PPP1R2: variants seen among roughly 807,000 people sequenced by gnomAD.
The protein encoded by PPP1R2 is protein phosphatase 1 regulatory inhibitor subunit 2.
In PPP1R2, 16 loss-of-function variants were observed where a neutral mutation model predicts 29.9. The ratio of observed to expected loss-of-function variants is 0.53; its 90% CI spans 0.36 to 0.81. The LOEUF is 0.81. PPP1R2 is among the 30% of genes least tolerant of loss of function. The pLI is 0.00. For missense variants in PPP1R2, 197 were observed against 252.7 expected (o/e 0.78, Z 1.49); for synonymous variants, 76 against 91.5 (o/e 0.83, Z 0.96).
chr3:195,520,134 C>T (rs1187798047), intron 4 of PPP1R2, among the ~76,000 whole-genome samples: 1 of 152,042 alleles, frequency 6.6e-6, no homozygotes, highest in Non-Finnish European at 1.5e-5. Context: ...CTCAGTCTCC[C>T]GAGTAGTTGG....
chr3:195,527,677 G>A (rs1719022967), intron 2 of PPP1R2: 1 of 158,678 alleles, frequency 6.3e-6, no homozygotes, highest in African/African-American at 2.4e-5. Flanking sequence ...AGTACACTCT[G>A]ATTTTGGATT....
chr3:195,535,027 A>G (rs1159864700), intron 1 of PPP1R2, among the ~76,000 whole-genome samples: 3 of 152,206 alleles, frequency 2.0e-5, no homozygotes, highest in Non-Finnish European at 4.4e-5. Flanking sequence ...TTTAAGATTC[A>G]GCACACATGG....
intron 2 of PPP1R2, among the ~76,000 whole-genome samples, chr3:195,527,177 G>A (rs112308222): frequency 1.4e-4 from 21 of 152,172 alleles, no homozygotes; most frequent in East Asian, 5.8e-4. Context: ...GGGGAAGGGC[G>A]TGGTGGCTCA....
chr3:195,518,766 T>C (rs1455865426), intron 5 of PPP1R2, among the ~76,000 whole-genome samples: 1 of 152,208 alleles, frequency 6.6e-6, no homozygotes, highest in Non-Finnish European at 1.5e-5. Context: ...CAAACATCCT[T>C]GCCTAAAGGC....
At chr3:195,527,953 T>C in intron 2 of PPP1R2, 1 of 280,430 alleles carries the variant, frequency 3.6e-6, no homozygotes, top group Non-Finnish European at 7.1e-6. Context: ...AGCATGCGTA[T>C]TTTTTTTTAA....
At position 195,524,803 on chromosome 3, in the gene PPP1R2, G is replaced by C. The variant is rs192492040; in HGVS notation, c.308+16C>G. 1 of 1,612,940 alleles carries C rather than the reference G, an allele frequency of 6.2e-7. No individual in the cohort carries two copies. Among genetic ancestry groups the C allele is most frequent in the African/African-American group, 1.3e-5 (1 of 74,884 alleles). The stretch of plus-strand genomic sequence containing the variant: ...AACAGCCTAAGTGAAAATGTGCTCC[G>C]GTCATTAGTACTTACTTCCTGGCTA... On this transcript the variant is annotated intron_variant, in intron 3 of 5. Coordinates refer to ENST00000618156, the MANE Select transcript of PPP1R2 (RefSeq NM_006241.8).
At chr3:195,538,046 T>C (rs1719459866) in intron 1 of PPP1R2, among the ~76,000 whole-genome samples, 1 of 152,206 alleles carries the variant, frequency 6.6e-6, no homozygotes, top group Non-Finnish European at 1.5e-5. Flanking sequence ...CATCATGAAC[T>C]GTATGACCTC....
At position 195,524,857 on chromosome 3, in the gene PPP1R2, C is replaced by T. The variant is rs769607387; in HGVS notation, c.270G>A (p.Glu90=). 1.7e-5 allele frequency: 27 copies of T among 1,613,954 alleles called. No individual in the cohort carries two copies. The South Asian group carries it at 3.0e-4, about 18-fold the overall frequency. ...TGTCTGGCGCCATGGCTTCAGTGGC[C>T]TCGGTGTCACTACAGGCATCTTCAT... ...GDDEDACSDT[E]ATEAMAPDIL... is the part of the protein sequence containing the mutation. Residue 90 remains glutamate (E), a synonymous_variant, in exon 3 of 6, where the codon GAG becomes GAA. Transcript: ENST00000618156.
intron 1 of PPP1R2, among the ~76,000 whole-genome samples, chr3:195,533,331 T>A (rs1228907953): frequency 6.9e-6 from 1 of 144,172 alleles, no homozygotes; most frequent in East Asian, 2.0e-4. Context: ...GGCAACAGAG[T>A]AAGACTCTGC....
At position 195,523,786 on chromosome 3, in the gene PPP1R2, T is replaced by C; in HGVS notation, c.309A>G (p.Lys103=). Residue 103 remains lysine (K), a splice_region_variant and synonymous_variant, in exon 4 of 6, where the codon AAA becomes AAG. Transcript: ENST00000618156. ...EAMAPDILAR[K]LAAAEGLEPK... ...GCTCCAAGCCTTCAGCTGCAGCTAA[T>C]CTATGCAACAATCATGTACAAAGAA... 6.2e-7 allele frequency: 1 copy of C among 1,612,896 alleles called. No homozygotes were observed. Among genetic ancestry groups the C allele is most frequent in the Non-Finnish European group, 8.5e-7 (1 of 1,178,896 alleles).
chr3:195,518,430 T>TTGCAGTGAGCCGAGATCACGC (rs1718628845), intron 5 of PPP1R2, among the ~76,000 whole-genome samples: 1 of 152,022 alleles, frequency 6.6e-6, no homozygotes, highest in Non-Finnish European at 1.5e-5. Context: ...GGCGGGCGGA[T>TTGCAGTGAGCCGAGATCACGC]CACAAGGTCA....
Position 195,541,704 on chromosome 3 carries a change from TTAACG to T in PPP1R2, c.122+1195_122+1199del, listed in dbSNP as rs1719606673. On this transcript the variant is annotated intron_variant, in intron 1 of 5. Transcript: ENST00000618156. ...ACATCACACTCCCCCAGCACTCCAT[TTAACG>T]TGGCTTAGCCCAAAGAAGTTGGAAA... Among the ~76,000 whole-genome samples, 7 of 152,272 alleles carry T rather than the reference TTAACG, an allele frequency of 4.6e-5. No homozygotes were observed. The South Asian group carries it at 1.5e-3, about 32-fold the overall frequency.
At position 195,543,002 on chromosome 3, in the gene PPP1R2, G is replaced by C; in HGVS notation, c.24C>G (p.His8Gln). Residue 8 changes from histidine to glutamine, a missense_variant, in exon 1 of 6, where the codon CAC becomes CAG. His to Gln is a conservative substitution (Grantham distance 24). Transcript: ENST00000618156. MAASTAS[H>Q]RPIKGILKNK... Reference sequence around the variant, plus strand: ...TCTTCAAGATCCCCTTGATGGGCCGGTGCGAGGCCGTCGAGGCCGCCATTG... The same window carrying C: ...TCTTCAAGATCCCCTTGATGGGCCGCTGCGAGGCCGTCGAGGCCGCCATTG... The C allele has an allele frequency of 6.2e-7, 1 of 1,601,238 alleles. No individual in the cohort carries two copies. The highest frequency in any genetic ancestry group is 1.1e-5 in the South Asian group (1 of 88,990).
Position 195,543,124 on chromosome 3 carries a change from C to T in PPP1R2, c.-99G>A. On this transcript the variant is annotated 5_prime_UTR_variant, in exon 1 of 6. Transcript: ENST00000618156. ...AGAGACTCGCAGGCAGCCGCAGATCCCGCTCAGGGCTAAAGCGGCCGCAAC... is the reference window on the plus strand; with the variant it reads ...AGAGACTCGCAGGCAGCCGCAGATCTCGCTCAGGGCTAAAGCGGCCGCAAC... 7.0e-7 allele frequency: 1 copy of T among 1,438,010 alleles called. No individual in the cohort carries two copies. Among genetic ancestry groups the T allele is most frequent in the Non-Finnish European group, 9.2e-7 (1 of 1,082,432 alleles). 89.1% of individuals were successfully genotyped at this position (1,438,010 alleles called of 1,614,324 possible).
rs1375504242 is a variant in PPP1R2, at chr3:195,543,019, C to T, written c.7G>A (p.Ala3Thr). The change falls in exon 1 of 6, where the codon GCC (alanine) becomes ACC (threonine). Residue 3 changes from alanine to threonine, a missense_variant. Physicochemically the swap from Ala to Thr is moderately conservative, Grantham distance 58. Coordinates refer to ENST00000618156, the MANE Select transcript of PPP1R2 (RefSeq NM_006241.8). MA[A>T]STASHRPIKG... The stretch of plus-strand genomic sequence containing the variant: ...ATGGGCCGGTGCGAGGCCGTCGAGG[C>T]CGCCATTGCCGGGCGCTCCGGCTGT... 1.9e-6 allele frequency: 3 copies of T among 1,599,644 alleles called. No individual in the cohort carries two copies. The African/African-American group carries it at 4.0e-5, about 21-fold the overall frequency.
intron 3 of PPP1R2, 142 bp from the exon 4 acceptor site, chr3:195,523,928 G>T: frequency 1.3e-6 from 1 of 766,506 alleles, no homozygotes; most frequent in East Asian, 2.7e-5. Context: ...TAAAAGGCAA[G>T]AGAGCAGAAA....
Position 195,519,034 on chromosome 3 carries a change from C to T in PPP1R2, c.555G>A (p.Thr185=), listed in dbSNP as rs144914044. The change falls in exon 5 of 6, where the codon ACG becomes ACA. Residue 185 remains threonine (T), a synonymous_variant. Coordinates refer to ENST00000618156, the MANE Select transcript of PPP1R2 (RefSeq NM_006241.8). ...LETADGESMN[T]EESNQGSTPS... The stretch of plus-strand genomic sequence containing the variant: ...ACATCTAACCTTGATTTGATTCTTC[C>T]GTATTCATGCTTTCTCCATCTGCAG... 196 of 1,605,252 alleles carry T rather than the reference C, an allele frequency of 1.2e-4. No homozygotes were observed. The Middle Eastern group carries it at 1.7e-3, about 14-fold the overall frequency.
chr3:195,515,292 G>A lies in PPP1R2; in HGVS notation c.*1604C>T, dbSNP rs1218050507. On this transcript the variant is annotated 3_prime_UTR_variant, in exon 6 of 6. Transcript: ENST00000618156. Reference sequence around the variant, plus strand: ...ATCTCATTCAAAAAATCAAAATAATGGCCACATTCTTCTAACAGCAAGGAA... The same window carrying A: ...ATCTCATTCAAAAAATCAAAATAATAGCCACATTCTTCTAACAGCAAGGAA... 6.5e-6 allele frequency: 1 copy of A among 152,794 alleles called. No homozygotes were observed. Among genetic ancestry groups the A allele is most frequent in the African/African-American group, 2.4e-5 (1 of 41,378 alleles). The allele number at this position is 152,794 out of a possible 1,614,324, so 9.5% of individuals were successfully genotyped here. A position where few individuals can be genotyped will look rare whatever the true frequency, so the allele number is the denominator to read the frequency against.
chr3:195,518,971 G>A, intron 5 of PPP1R2, 47 bp downstream of exon 5: 1 of 1,605,070 alleles, frequency 6.2e-7, no homozygotes, highest in South Asian at 1.1e-5. Context: ...ATTATCTTAG[G>A]CATAGACCAT....
Sources: gnomAD v4.1 joint callset for allele counts (sites outside exome capture counted in the v4.1 genomes callset) on GRCh38, gnomAD v4.1.1 for gene constraint, MANE v1.5 for transcripts, NCBI Gene and HGNC (gene_info 2026-07-23, HGNC 2026-07-21) for gene names.